MYO6: variants seen among roughly 807,000 people sequenced by gnomAD.
MYO6 encodes the protein unconventional myosin-VI.
In MYO6, 74 loss-of-function variants were observed where a neutral mutation model predicts 178.7. The ratio of observed to expected loss-of-function variants is 0.41; its 90% CI spans 0.34 to 0.50. MYO6 has a LOEUF of 0.50. Ranked by LOEUF, MYO6 falls within the 20% of genes least tolerant of loss-of-function variation. The pLI is 0.09. For synonymous variants in MYO6, 477 were observed against 504.6 expected, an observed-to-expected ratio of 0.95 and a Z score of 0.73; for missense variants, 1,330 against 1,547.4, an observed-to-expected ratio of 0.86 and a Z score of 2.36.
At chr6:75,789,280 A>G (rs1336894601) in intron 1 of MYO6, among the ~76,000 whole-genome samples, 4 of 152,228 alleles carry the variant, frequency 2.6e-5, no homozygotes, top group Non-Finnish European at 5.9e-5. Flanking sequence ...ACATCATCAA[A>G]TGCTAAATAC....
At chr6:75,752,409 C>T (rs773358923) in intron 1 of MYO6, among the ~76,000 whole-genome samples, 1 of 152,160 alleles carries the variant, frequency 6.6e-6, no homozygotes, top group Non-Finnish European at 1.5e-5. Context: ...GGGGCTTGAT[C>T]TACAAAATAA....
chr6:75,902,642 G>T (rs1779901506), intron 30 of MYO6, among the ~76,000 whole-genome samples: 1 of 151,984 alleles, frequency 6.6e-6, no homozygotes, highest in Non-Finnish European at 1.5e-5. Context: ...CTTGCTAGCG[G>T]TCTATCAATT....
chr6:75,825,468 C>T (rs765261024), intron 3 of MYO6, among the ~76,000 whole-genome samples: 7 of 152,032 alleles, frequency 4.6e-5, no homozygotes, highest in Non-Finnish European at 1.0e-4. Context: ...TGGTGGGCGC[C>T]GGTAATCCCA....
At chr6:75,804,990 TATAC>T (rs1456745694) in intron 1 of MYO6, among the ~76,000 whole-genome samples, 1 of 125,432 alleles carries the variant, frequency 8.0e-6, no homozygotes, top group East Asian at 2.2e-4. Flanking sequence ...CACATATATA[TATAC>T]ACACACACAT....
chr6:75,882,217 C>T (rs1778094436), intron 23 of MYO6, among the ~76,000 whole-genome samples: 1 of 152,168 alleles, frequency 6.6e-6, no homozygotes, highest in East Asian at 1.9e-4. Context: ...GAAATATTGT[C>T]AGTCACCAGA....
chr6:75,772,614 C>T (rs947465732), intron 1 of MYO6, among the ~76,000 whole-genome samples: 3 of 152,204 alleles, frequency 2.0e-5, no homozygotes, highest in Non-Finnish European at 2.9e-5. Context: ...GGACTAAGAA[C>T]ACATGTGGAG....
intron 3 of MYO6, among the ~76,000 whole-genome samples, chr6:75,823,437 G>A (rs1772115280): frequency 6.6e-6 from 1 of 151,958 alleles, no homozygotes; most frequent in South Asian, 2.1e-4. Flanking sequence ...TTTCATATTG[G>A]GGGCAGCAGT....
chr6:75,789,937 T>G (rs1768059184), intron 1 of MYO6, among the ~76,000 whole-genome samples: 1 of 152,208 alleles, frequency 6.6e-6, no homozygotes, highest in Non-Finnish European at 1.5e-5. Context: ...TACTCTCTAC[T>G]TTTATGAAAT....
chr6:75,842,389 G>T (rs1774327650), intron 9 of MYO6, among the ~76,000 whole-genome samples: 1 of 152,172 alleles, frequency 6.6e-6, no homozygotes, highest in South Asian at 2.1e-4. Context: ...TCTGTATAGA[G>T]TTCCCCAGCT....
chr6:75,877,910 G>T (rs181862641), intron 20 of MYO6, among the ~76,000 whole-genome samples: 1 of 152,156 alleles, frequency 6.6e-6, no homozygotes, highest in Non-Finnish European at 1.5e-5. Context: ...TTTATAGTTT[G>T]CAGCTACAGG....
At chr6:75,759,541 T>TCGG (rs1777767425) in intron 1 of MYO6, among the ~76,000 whole-genome samples, 1 of 151,668 alleles carries the variant, frequency 6.6e-6, no homozygotes, top group Non-Finnish European at 1.5e-5. Flanking sequence ...CACCGGTGAC[T>TCGG]TACTTTACTA....
intron 7 of MYO6, among the ~76,000 whole-genome samples, chr6:75,837,648 A>G (rs1773780392): frequency 2.0e-5 from 3 of 152,248 alleles, no homozygotes; most frequent in South Asian, 4.1e-4. Context: ...TAAAATCTGC[A>G]TGTAGATCAA....
intron 19 of MYO6, among the ~76,000 whole-genome samples, chr6:75,872,959 A>G (rs1289933070): frequency 6.6e-6 from 1 of 152,062 alleles, no homozygotes; most frequent in Non-Finnish European, 1.5e-5. Context: ...TTTTTAGTAG[A>G]GATGGGGTTT....
intron 2 of MYO6, among the ~76,000 whole-genome samples, chr6:75,821,012 G>GAA (rs1309291711): frequency 1.3e-5 from 2 of 152,080 alleles, no homozygotes; most frequent in East Asian, 3.8e-4. Flanking sequence ...GTTTTTAGCA[G>GAA]AAAAAAGCCT....
chr6:75,784,992 CTT>C (rs1356962488), intron 1 of MYO6, among the ~76,000 whole-genome samples: 2 of 152,082 alleles, frequency 1.3e-5, no homozygotes, highest in Non-Finnish European at 2.9e-5. Context: ...TCAGTGCACA[CTT>C]TCATTTGTTC....
chr6:75,906,683 A>C (rs1014443526), intron 30 of MYO6, among the ~76,000 whole-genome samples: 4 of 147,326 alleles, frequency 2.7e-5, no homozygotes, highest in African/African-American at 8.1e-5. Context: ...CTCAAAAAAA[A>C]CAAAAAACAA....
chr6:75,830,321 G>T, intron 4 of MYO6, 95 bp from the exon 5 acceptor site: 1 of 1,208,502 alleles, frequency 8.3e-7, no homozygotes. Flanking sequence ...ATAGATAATT[G>T]AAATTTTTTG....
intron 23 of MYO6, among the ~76,000 whole-genome samples, chr6:75,882,460 T>G (rs1469992849): frequency 6.6e-6 from 1 of 152,082 alleles, no homozygotes; most frequent in African/African-American, 2.4e-5. Flanking sequence ...TGTGTCAGTT[T>G]TTTGTTTCAG....
At chr6:75,843,035 A>G (rs1774389904) in intron 9 of MYO6, among the ~76,000 whole-genome samples, 1 of 152,172 alleles carries the variant, frequency 6.6e-6, no homozygotes, top group African/African-American at 2.4e-5. Flanking sequence ...AGCGTTGCAT[A>G]CATCTGCCAT....
Sources: allele counts gnomAD v4.1 joint callset (sites outside exome capture counted in the v4.1 genomes callset), GRCh38; gene constraint gnomAD v4.1.1; transcripts MANE v1.5; gene names NCBI Gene and HGNC (gene_info 2026-07-23, HGNC 2026-07-21).